The following LRMDA variants were observed in gnomAD, a reference collection of about 807,000 sequenced individuals.
The protein encoded by LRMDA is leucine rich melanocyte differentiation associated, also known as leucine-rich melanocyte differentiation-associated protein.
LRMDA carries 18 observed loss-of-function variants against 29.8 expected under a neutral mutation model. That is an observed-to-expected ratio of 0.60 (90% CI 0.42 to 0.90). The LOEUF is 0.90. LRMDA is among the 40% of genes least tolerant of loss of function. The probability of loss-of-function intolerance (pLI) is 0.00; values close to 1 mark genes in which losing one functional copy is unlikely to be tolerated. For missense variants in LRMDA, 273 were observed against 273.9 expected, an observed-to-expected ratio of 1.00 and a Z score of 0.02; for synonymous variants, 125 against 109.4, an observed-to-expected ratio of 1.14 and a Z score of -0.89.
intron 5 of LRMDA, among the ~76,000 whole-genome samples, chr10:76,122,490 C>G (rs1272887656): frequency 9.2e-5 from 14 of 151,954 alleles, no homozygotes; most frequent in Admixed American, 9.2e-4. Context: ...CTTTGTGTCT[C>G]TGTATATCCT....
intron 5 of LRMDA, among the ~76,000 whole-genome samples, chr10:76,076,875 G>A (rs1848969572): frequency 6.6e-6 from 1 of 152,140 alleles, no homozygotes; most frequent in African/African-American, 2.4e-5. Flanking sequence ...GAAAGAACAT[G>A]GTTAACCTCC....
intron 2 of LRMDA, among the ~76,000 whole-genome samples, chr10:75,769,168 C>T (rs750597369): frequency 3.3e-5 from 5 of 152,178 alleles, no homozygotes; most frequent in South Asian, 4.1e-4. Context: ...GGACAGCTAC[C>T]GGAGACACAC....
intron 2 of LRMDA, among the ~76,000 whole-genome samples, chr10:75,832,933 A>G (rs1487287591): frequency 1.3e-5 from 2 of 152,218 alleles, no homozygotes; most frequent in Non-Finnish European, 2.9e-5. Context: ...CTTGGGAAGT[A>G]TGGGAGCTAC....
chr10:75,616,635 A>T (rs1841105988), intron 2 of LRMDA, among the ~76,000 whole-genome samples: 1 of 152,182 alleles, frequency 6.6e-6, no homozygotes, highest in South Asian at 2.1e-4. Flanking sequence ...ACTATGTTTG[A>T]CTATTTTCTG....
chr10:75,845,501 G>T (rs1844617441), intron 2 of LRMDA, among the ~76,000 whole-genome samples: 1 of 152,122 alleles, frequency 6.6e-6, no homozygotes, highest in African/African-American at 2.4e-5. Flanking sequence ...TTGGCATTTG[G>T]CAGTCTCATG....
intron 2 of LRMDA, among the ~76,000 whole-genome samples, chr10:75,577,292 G>T (rs896512286): frequency 6.6e-6 from 1 of 152,092 alleles, no homozygotes; most frequent in Admixed American, 6.6e-5. Context: ...GGATATCAGA[G>T]ATTGAAGATC....
chr10:75,978,827 G>A (rs1847118014), intron 2 of LRMDA, among the ~76,000 whole-genome samples: 1 of 152,150 alleles, frequency 6.6e-6, no homozygotes, highest in South Asian at 2.1e-4. Context: ...CCTACAGTGT[G>A]ATACAATGTT....
chr10:75,869,178 A>G (rs891719417), intron 2 of LRMDA, among the ~76,000 whole-genome samples: 1 of 152,224 alleles, frequency 6.6e-6, no homozygotes, highest in Non-Finnish European at 1.5e-5. Flanking sequence ...CTTTGATCCT[A>G]TAACAAGTCT....
In LRMDA at chr10:76,428,075, G is replaced by T. The variant is rs550107069; in HGVS notation, c.601+103590G>T. 2.2e-4 allele frequency among the ~76,000 whole-genome samples: 34 copies of T among 151,376 alleles called. No individual in the cohort carries two copies. In the South Asian group the frequency reaches 4.2e-3, roughly 19 times the overall value. On this transcript the variant is annotated intron_variant, in intron 6 of 6. Transcript: ENST00000611255. Reference sequence around the variant, plus strand: ...TTGGTCTAAAATTCTCTTTTTTTTTGTTGTGTCTCTGCCAGGCTTTGGACA... The same window carrying T: ...TTGGTCTAAAATTCTCTTTTTTTTTTTTGTGTCTCTGCCAGGCTTTGGACA...
intron 6 of LRMDA, among the ~76,000 whole-genome samples, chr10:76,428,250 C>G (rs1226175672): frequency 6.6e-6 from 1 of 152,062 alleles, no homozygotes; most frequent in Non-Finnish European, 1.5e-5. Context: ...GAGAGCATAT[C>G]TAGGAGGAGC....
chr10:76,521,335 C>T (rs1416933372), intron 6 of LRMDA, among the ~76,000 whole-genome samples: 1 of 152,076 alleles, frequency 6.6e-6, no homozygotes, highest in East Asian at 1.9e-4. Flanking sequence ...GGGGTTTCAC[C>T]GTGTTAACCA....
chr10:75,683,783 C>G (rs1179791088), intron 2 of LRMDA, among the ~76,000 whole-genome samples: 1 of 152,190 alleles, frequency 6.6e-6, no homozygotes, highest in African/African-American at 2.4e-5. Context: ...AGCAGATCTT[C>G]CTTCATTCTT....
intron 2 of LRMDA, among the ~76,000 whole-genome samples, chr10:75,926,299 A>C (rs1357317867): frequency 1.3e-5 from 2 of 152,212 alleles, no homozygotes; most frequent in East Asian, 3.8e-4. Context: ...AAAGTGGAGC[A>C]GGGGAGAGAA....
chr10:76,026,176 A>G (rs1848059871), intron 2 of LRMDA, among the ~76,000 whole-genome samples: 1 of 152,262 alleles, frequency 6.6e-6, no homozygotes, highest in African/African-American at 2.4e-5. Flanking sequence ...TAGGTTCATC[A>G]TTATATTAAT....
intron 2 of LRMDA, among the ~76,000 whole-genome samples, chr10:75,491,283 C>T (rs185518269): frequency 2.6e-4 from 40 of 152,246 alleles, no homozygotes; most frequent in Admixed American, 1.3e-4. Flanking sequence ...ATTTGTCACT[C>T]GGACTCTCAG....
At position 76,074,098 on chromosome 10, in the gene LRMDA, G is replaced by T. The variant is rs1848918996; in HGVS notation, c.516+15315G>T. On this transcript the variant is annotated intron_variant, in intron 5 of 6. Transcript: ENST00000611255. ...GAGAAAAGAAGATTACAAGCTGGCT[G>T]ATCTTGCTTTTATTTCTCTTAAATC... Among the ~76,000 whole-genome samples, 2 of 152,210 alleles carry T rather than the reference G, an allele frequency of 1.3e-5. 1 individual carries two copies. Among genetic ancestry groups the T allele is most frequent in the African/African-American group, 4.8e-5 (2 of 41,460 alleles).
At position 76,559,377 on chromosome 10, in the gene LRMDA, G is replaced by C. The variant is rs1478535071; in HGVS notation, c.*2089G>C. On this transcript the variant is annotated 3_prime_UTR_variant, in exon 7 of 7. Transcript: ENST00000611255. ...TTGACCACATTGTTTCCCTCTCTTT[G>C]GGTTGTTTATTTTCTTCCAGAATGG... The C allele has an allele frequency of 6.6e-6, 1 of 152,008 alleles. No homozygotes were observed. Among genetic ancestry groups the C allele is most frequent in the African/African-American group, 2.4e-5 (1 of 41,384 alleles). The allele number at this position is 152,008 out of a possible 1,614,324, so 9.4% of individuals were successfully genotyped here.
chr10:76,536,143 A>G (rs1843288615), intron 6 of LRMDA, among the ~76,000 whole-genome samples: 1 of 152,048 alleles, frequency 6.6e-6, no homozygotes, highest in Admixed American at 6.6e-5. Context: ...ATCCCTCAAT[A>G]CTTCGGCATG....
chr10:75,997,856 G>A (rs1847497829), intron 2 of LRMDA, among the ~76,000 whole-genome samples: 1 of 152,170 alleles, frequency 6.6e-6, no homozygotes, highest in Non-Finnish European at 1.5e-5. Flanking sequence ...TCTGCTTCAC[G>A]TCACTGCTTC....
Sources: gnomAD v4.1 joint callset for allele counts (sites outside exome capture counted in the v4.1 genomes callset) on GRCh38, gnomAD v4.1.1 for gene constraint, MANE v1.5 for transcripts, NCBI Gene and HGNC (gene_info 2026-07-23, HGNC 2026-07-21) for gene names.